The following DAP variants were observed in gnomAD, a reference collection of about 807,000 sequenced individuals.
DAP encodes the protein death associated protein, also known as death-associated protein 1.
Under a neutral mutation model 13.8 loss-of-function variants are expected in DAP, and 8 were observed. The ratio of observed to expected loss-of-function variants is 0.58; its 90% CI spans 0.34 to 1.05. The LOEUF (loss-of-function observed/expected upper bound fraction) is 1.05. Among genes scored for constraint, DAP ranks in the 50% least tolerant of loss-of-function variants. DAP has a pLI of 0.03. For synonymous variants in DAP, 47 were observed against 47.5 expected (o/e 0.99, Z 0.04); for missense variants, 106 against 133.2 (o/e 0.80, Z 1.01).
chr5:10,693,845 C>T (rs1296160055), intron 2 of DAP, among the ~76,000 whole-genome samples: 1 of 152,194 alleles, frequency 6.6e-6, no homozygotes, highest in Non-Finnish European at 1.5e-5. Flanking sequence ...TACTTTCTGA[C>T]TTGATAGTGG....
At chr5:10,694,387 TACAC>T (rs3836779) in intron 2 of DAP, among the ~76,000 whole-genome samples, 7 of 149,150 alleles carry the variant, frequency 4.7e-5, no homozygotes, top group Non-Finnish European at 1.0e-4. Context: ...TATATGTGCA[TACAC>T]ACACACACAC....
At chr5:10,749,667 G>C (rs1254418172) in intron 1 of DAP, among the ~76,000 whole-genome samples, 1 of 151,554 alleles carries the variant, frequency 6.6e-6, no homozygotes, top group Non-Finnish European at 1.5e-5. Context: ...TTGGCCCTTA[G>C]TGTGCTACCT....
At chr5:10,741,496 G>A (rs1205482582) in intron 2 of DAP, among the ~76,000 whole-genome samples, 1 of 152,180 alleles carries the variant, frequency 6.6e-6, no homozygotes, top group East Asian at 1.9e-4. Context: ...TATAGTATTG[G>A]TAGAAGTAAA....
intron 1 of DAP, among the ~76,000 whole-genome samples, chr5:10,754,571 T>C (rs1042582866): frequency 1.8e-4 from 27 of 152,142 alleles, no homozygotes; most frequent in African/African-American, 6.5e-4. Context: ...ATCCTTGACA[T>C]AGTTTCTGAC....
At chr5:10,702,442 TC>T (rs1738603644) in intron 2 of DAP, among the ~76,000 whole-genome samples, 1 of 152,206 alleles carries the variant, frequency 6.6e-6, no homozygotes, top group Non-Finnish European at 1.5e-5. Flanking sequence ...CTGAGCTGGA[TC>T]TGCTGGCCAT....
At chr5:10,723,215 C>T (rs1178420140) in intron 2 of DAP, among the ~76,000 whole-genome samples, 6 of 152,210 alleles carry the variant, frequency 3.9e-5, no homozygotes, top group South Asian at 2.1e-4. Flanking sequence ...CAAACTCACA[C>T]TGATAGAAAA....
chr5:10,720,968 C>T (rs866506210), intron 2 of DAP, among the ~76,000 whole-genome samples: 5 of 152,206 alleles, frequency 3.3e-5, no homozygotes, highest in Admixed American at 6.5e-5. Flanking sequence ...GACCAAGGCA[C>T]GCACTTTATG....
chr5:10,713,038 C>T (rs369993342), intron 2 of DAP, among the ~76,000 whole-genome samples: 24 of 152,078 alleles, frequency 1.6e-4, no homozygotes, highest in African/African-American at 5.3e-4. Flanking sequence ...ACCAACCAGC[C>T]GACCAACCAG....
At chr5:10,710,082 C>A (rs557354019) in intron 2 of DAP, among the ~76,000 whole-genome samples, 41 of 152,292 alleles carry the variant, frequency 2.7e-4, no homozygotes, top group African/African-American at 9.6e-4. Flanking sequence ...TGGGAGTTTC[C>A]GTCACCTCCA....
At position 10,695,865 on chromosome 5, in the gene DAP, A is replaced by AT. The variant is rs542051940; in HGVS notation, c.153-12295dup. Among the ~76,000 whole-genome samples the AT allele has an allele frequency of 8.0e-3, 1,138 of 142,246 alleles. 10 individuals are homozygous for AT. Among genetic ancestry groups the AT allele is most frequent in the African/African-American group, 0.017 (655 of 37,994 alleles). 93.3% of individuals were successfully genotyped at this position (142,246 alleles called of 152,430 possible). ...ATCCAGATGTCAAAACTTCACAGAGATTTTTTTTTTTTTTTAGTTAGGAAA... is the reference window on the plus strand; with the variant it reads ...ATCCAGATGTCAAAACTTCACAGAGATTTTTTTTTTTTTTTTAGTTAGGAAA... On this transcript the variant is annotated intron_variant, in intron 2 of 3. Transcript: ENST00000230895.
chr5:10,683,703 T>C, intron 2 of DAP, 132 bp from the exon 3 acceptor site: 1 of 797,560 alleles, frequency 1.3e-6, no homozygotes. Flanking sequence ...ACCTCTCCTC[T>C]GCGTTATTTG....
chr5:10,699,416 G>A (rs1271312886), intron 2 of DAP, among the ~76,000 whole-genome samples: 1 of 152,228 alleles, frequency 6.6e-6, no homozygotes, highest in African/African-American at 2.4e-5. Flanking sequence ...AGGACGCTGG[G>A]TTAGGGACTG....
In DAP at chr5:10,681,172, G is replaced by C. The variant is rs1737980988; in HGVS notation, c.196-3C>G. 1 of 1,494,618 alleles carries C rather than the reference G, an allele frequency of 6.7e-7. No homozygotes were observed. Among genetic ancestry groups the C allele is most frequent in the Non-Finnish European group, 8.9e-7 (1 of 1,122,828 alleles). The allele number at this position is 1,494,618 out of a possible 1,614,324, so 92.6% of individuals were successfully genotyped here. ...GCCGGGGGGAAATCTTTGTCACCCT[G>C]TCAGGAAACACGGAAAGCTCAGGTT... On this transcript the variant is annotated splice_region_variant and splice_polypyrimidine_tract_variant and intron_variant, in intron 3 of 3. Coordinates refer to ENST00000230895, the MANE Select transcript of DAP (RefSeq NM_004394.3).
chr5:10,755,453 G>A (rs2111399542), intron 1 of DAP, among the ~76,000 whole-genome samples: 1 of 152,280 alleles, frequency 6.6e-6, no homozygotes, highest in South Asian at 2.1e-4. Flanking sequence ...GGAAACTGAT[G>A]TGATGATGCA....
intron 2 of DAP, among the ~76,000 whole-genome samples, chr5:10,717,890 C>A (rs529885082): frequency 3.9e-5 from 6 of 152,032 alleles, no homozygotes; most frequent in African/African-American, 1.4e-4. Context: ...TTTATACAAG[C>A]GGAAAGCTTC....
intron 2 of DAP, among the ~76,000 whole-genome samples, chr5:10,737,861 G>A (rs1453355444): frequency 6.6e-6 from 1 of 152,186 alleles, no homozygotes; most frequent in Non-Finnish European, 1.5e-5. Context: ...TTAAAATGAA[G>A]TCATCAGGAT....
chr5:10,739,223 A>AAG (rs1739693997), intron 2 of DAP, among the ~76,000 whole-genome samples: 1 of 139,788 alleles, frequency 7.2e-6, no homozygotes, highest in Non-Finnish European at 1.6e-5. Context: ...AAAAAAAAAA[A>AAG]AAAGAAAGAA....
At chr5:10,755,152 C>CT (rs1740150794) in intron 1 of DAP, among the ~76,000 whole-genome samples, 1 of 152,176 alleles carries the variant, frequency 6.6e-6, no homozygotes, top group East Asian at 1.9e-4. Context: ...AGTCAGGGCT[C>CT]TGAGTGTGTG....
At chr5:10,683,912 C>T (rs887249424) in intron 2 of DAP, among the ~76,000 whole-genome samples, 2 of 152,154 alleles carry the variant, frequency 1.3e-5, no homozygotes, top group African/African-American at 4.8e-5. Flanking sequence ...CAGCAGCCTC[C>T]ACCTCCTAGA....
Sources: allele counts gnomAD v4.1 joint callset (sites outside exome capture counted in the v4.1 genomes callset), GRCh38; gene constraint gnomAD v4.1.1; transcripts MANE v1.5; gene names NCBI Gene and HGNC (gene_info 2026-07-23, HGNC 2026-07-21).